TTYH1: variants seen among roughly 807,000 people sequenced by gnomAD.
The protein encoded by TTYH1 is tweety family member 1, also known as protein tweety homolog 1.
Under a neutral mutation model 61.2 loss-of-function variants are expected in TTYH1, and 33 were observed. The ratio of observed to expected loss-of-function variants is 0.54; its 90% CI spans 0.41 to 0.72. The LOEUF (loss-of-function observed/expected upper bound fraction) is 0.72. Ranked by LOEUF, TTYH1 falls within the 30% of genes least tolerant of loss-of-function variation. The pLI, the probability that TTYH1 is intolerant of heterozygous loss-of-function variation, is 0.00. For synonymous variants in TTYH1, 308 were observed against 266.4 expected, an observed-to-expected ratio of 1.16 and a Z score of -1.52; for missense variants, 538 against 575.8, an observed-to-expected ratio of 0.93 and a Z score of 0.67.
In TTYH1 at chr19:54,422,947, A is replaced by T. The variant is rs2083249751; in HGVS notation, c.638+537A>T. Reference sequence around the variant, plus strand: ...CCATCTCAAAAAAAAAAAAAAAAAAAAAAAGATGAGGTTGAGAAACCTACT... The same window carrying T: ...CCATCTCAAAAAAAAAAAAAAAAAATAAAAGATGAGGTTGAGAAACCTACT... On this transcript the variant is annotated intron_variant, in intron 4 of 13. Coordinates refer to ENST00000376530, the MANE Select transcript of TTYH1 (RefSeq NM_020659.4). 3.7e-5 allele frequency among the ~76,000 whole-genome samples: 5 copies of T among 135,412 alleles called. No individual in the cohort carries two copies. In the South Asian group the frequency reaches 1.2e-3, roughly 32 times the overall value. 88.8% of individuals were successfully genotyped at this position (135,412 alleles called of 152,430 possible). A position where few individuals can be genotyped will look rare whatever the true frequency, so the allele number is the denominator to read the frequency against.
In TTYH1 at chr19:54,420,770, G is replaced by A; in HGVS notation, c.306-507G>A. On this transcript the variant is annotated intron_variant, in intron 2 of 13. Transcript: ENST00000376530. This position sits in a 1 kb window ranked among gnomAD's most constrained non-coding sequence, Gnocchi z 4.8. ...GTCCCCCCAGGAGATGGTGGCAGCT[G>A]CCCCCCTTGTACCCTTAGGAACCCC... 5.9e-6 allele frequency: 1 copy of A among 170,704 alleles called. No individual in the cohort carries two copies. The highest frequency in any genetic ancestry group is 1.4e-5 in the Non-Finnish European group (1 of 70,538). 10.6% of individuals were successfully genotyped at this position (170,704 alleles called of 1,614,324 possible).
rs1384293771 is a variant in TTYH1, at chr19:54,422,955, GA to G, written c.638+546del. On this transcript the variant is annotated intron_variant, in intron 4 of 13. Coordinates refer to ENST00000376530, the MANE Select transcript of TTYH1 (RefSeq NM_020659.4). ...AAAAAAAAAAAAAAAAAAAAAAGAT[GA>G]GGTTGAGAAACCTACTGTGGAGGGA... Among the ~76,000 whole-genome samples, 3 of 141,090 alleles carry G rather than the reference GA, an allele frequency of 2.1e-5. No individual in the cohort carries two copies. In the East Asian group the frequency reaches 6.5e-4, roughly 30 times the overall value. The allele number at this position is 141,090 out of a possible 152,430, so 92.6% of individuals were successfully genotyped here.
Position 54,419,220 on chromosome 19 carries a change from G to C in TTYH1, c.219G>C (p.Arg73=), listed in dbSNP as rs1336182442. ...AVYLIRFCCC[R]PPEPPGSKIP... ...ACCTCATCCGCTTCTGCTGCTGCCG[G>C]CCCCCCGAGCCCCCCGGGTCCAAGA... Residue 73 remains arginine, a synonymous_variant, in exon 2 of 14, where the codon CGG becomes CGC. Transcript: ENST00000376530. This position sits in a 1 kb window ranked among gnomAD's most constrained non-coding sequence, Gnocchi z 6.1. 2 of 1,609,930 alleles carry C rather than the reference G, an allele frequency of 1.2e-6. No homozygotes were observed. The highest frequency in any genetic ancestry group is 3.3e-5 in the Admixed American group (2 of 60,004).
rs1012659339 is a variant in TTYH1 at position 54,434,926 on chromosome 19, G to C, written c.1126-616G>C. 1 of 152,272 alleles carries C rather than the reference G, an allele frequency of 6.6e-6. No homozygotes were observed. Among genetic ancestry groups the C allele is most frequent in the Non-Finnish European group, 1.5e-5 (1 of 68,146 alleles). 9.4% of individuals were successfully genotyped at this position (152,272 alleles called of 1,614,324 possible). The stretch of plus-strand genomic sequence containing the variant: ...CAGGAGGGGGTGCTCCTGGCATCTG[G>C]TGGGTGGAGCTGAGTGGGGCTGCTC... On this transcript the variant is annotated intron_variant, in intron 10 of 13. Coordinates refer to ENST00000376530, the MANE Select transcript of TTYH1 (RefSeq NM_020659.4). The surrounding 1 kb of genome is among the most constrained non-coding windows in gnomAD (Gnocchi z 4.3).
chr19:54,425,215 G>A (rs1320908415), intron 4 of TTYH1, among the ~76,000 whole-genome samples: 8 of 152,234 alleles, frequency 5.3e-5, no homozygotes, highest in African/African-American at 1.2e-4. Flanking sequence ...TGCCGGATCC[G>A]GAGGGTGGAA....
Position 54,422,258 on chromosome 19 carries a change from C to G in TTYH1, c.486C>G (p.Leu162=). Residue 162 remains leucine, a synonymous_variant, in exon 4 of 14, where the codon CTC becomes CTG. Transcript: ENST00000376530. Reference sequence around the variant, plus strand: ...AGCTGACCACCCTGGAGGAGGTGCTCGAGCCGCGCACGGAGCTGGTGGCTG... The same window carrying G: ...AGCTGACCACCCTGGAGGAGGTGCTGGAGCCGCGCACGGAGCTGGTGGCTG... The part of the protein sequence containing the change: ...RTELTTLEEV[L]EPRTELVAAA... 6.4e-7 allele frequency: 1 copy of G among 1,565,382 alleles called. No individual in the cohort carries two copies. The highest frequency in any genetic ancestry group is 1.3e-5 in the African/African-American group (1 of 74,458).
Position 54,431,119 on chromosome 19 carries a change from G to A in TTYH1, c.1053G>A (p.Glu351=), listed in dbSNP as rs779884051. The change falls in exon 10 of 14, where the codon GAG becomes GAA. Residue 351 remains glutamate (E), a synonymous_variant. Transcript: ENST00000376530. ...PSAQKPLLSL[E]ETLNVTEGNF... The stretch of plus-strand genomic sequence containing the variant: ...CGCAGAAGCCTCTGCTGTCCTTGGA[G>A]GAGACTCTGAATGTGACAGAAGGAA... The A allele has an allele frequency of 4.3e-6, 7 of 1,613,876 alleles. No homozygotes were observed. The highest frequency in any genetic ancestry group is 5.1e-6 in the Non-Finnish European group (6 of 1,179,780).
chr19:54,416,157 GGATT>G lies in TTYH1; in HGVS notation c.126+482_126+485del, dbSNP rs896083499. 5.3e-5 allele frequency: 55 copies of G among 1,039,042 alleles called. No homozygotes were observed. In the Admixed American group the frequency reaches 1.3e-3, roughly 24 times the overall value. The allele number at this position is 1,039,042 out of a possible 1,614,324, so 64.4% of individuals were successfully genotyped here. A position where few individuals can be genotyped will look rare whatever the true frequency, so the allele number is the denominator to read the frequency against. ...CGCTGGCTGCTGCGGTGCTGGGATG[GGATT>G]GAGAGTCTGAAATGGGGAAGGGGGC... On this transcript the variant is annotated intron_variant, in intron 1 of 13. Coordinates refer to ENST00000376530, the MANE Select transcript of TTYH1 (RefSeq NM_020659.4). This position sits in a 1 kb window ranked among gnomAD's most constrained non-coding sequence, Gnocchi z 7.0.
Position 54,436,187 on chromosome 19 carries a change from C to T in TTYH1, c.*42+16C>T. On this transcript the variant is annotated intron_variant, in intron 13 of 13. Transcript: ENST00000376530. This position sits in a 1 kb window ranked among gnomAD's most constrained non-coding sequence, Gnocchi z 4.3. ...CCCCTCTTCGGTGAGCTTCCAAGGGCCACCCCAGCTCCTGCAGCCGGGCCT... is the reference window on the plus strand; with the variant it reads ...CCCCTCTTCGGTGAGCTTCCAAGGGTCACCCCAGCTCCTGCAGCCGGGCCT... The T allele has an allele frequency of 6.2e-7, 1 of 1,612,958 alleles. No individual in the cohort carries two copies. The highest frequency in any genetic ancestry group is 8.5e-7 in the Non-Finnish European group (1 of 1,179,118).
At chr19:54,428,685 A>G (rs6509872) in intron 5 of TTYH1, among the ~76,000 whole-genome samples, 106,103 of 152,002 alleles carry the variant, frequency 0.7, 37,303 homozygotes, top group African/African-American at 0.78. Flanking sequence ...GGGGTGAGGC[A>G]GAGTTGAACC....
At position 54,431,185 on chromosome 19, in the gene TTYH1, G is replaced by A. The variant is rs1429632478; in HGVS notation, c.1119G>A (p.Leu373=). 4 of 1,612,626 alleles carry A rather than the reference G, an allele frequency of 2.5e-6. No individual in the cohort carries two copies. The highest frequency in any genetic ancestry group is 3.4e-6 in the Non-Finnish European group (4 of 1,178,732). The part of the protein sequence containing the change: ...QLVALLHCRS[L]HKDYGAALRG... Reference sequence around the variant, plus strand: ...TGGCACTGCTACACTGCCGCAGCCTGCACAAGGTGAAGCCCCTCCCCTCCC... The same window carrying A: ...TGGCACTGCTACACTGCCGCAGCCTACACAAGGTGAAGCCCCTCCCCTCCC... The change falls in exon 10 of 14, where the codon CTG becomes CTA. Residue 373 remains leucine, a synonymous_variant. Coordinates refer to ENST00000376530, the MANE Select transcript of TTYH1 (RefSeq NM_020659.4).
intron 4 of TTYH1, among the ~76,000 whole-genome samples, chr19:54,424,400 C>T (rs528510741): frequency 6.6e-6 from 1 of 152,348 alleles, no homozygotes; most frequent in South Asian, 2.1e-4. Context: ...GGGGCATGCG[C>T]TGAGATTTGG....
chr19:54,430,185 C>T (rs765506953), intron 7 of TTYH1, among the ~76,000 whole-genome samples: 2 of 152,118 alleles, frequency 1.3e-5, no homozygotes, highest in African/African-American at 2.4e-5. Flanking sequence ...CAGCTGGCAG[C>T]GCCTCTCCTG....
chr19:54,422,283 G>GCCGC lies in TTYH1; in HGVS notation c.515_518dup (p.Gly174ProfsTer32), dbSNP rs2083234297. On this transcript the variant is annotated frameshift_variant, in exon 4 of 14. Transcript: ENST00000376530. LOFTEE classifies it high-confidence loss of function. The stretch of plus-strand genomic sequence containing the variant: ...CGAGCCGCGCACGGAGCTGGTGGCT[G>GCCGC]CCGCCCGAGGGGCTCGACGGCAGGC... 1.3e-6 allele frequency: 2 copies of GCCGC among 1,566,890 alleles called. No individual in the cohort carries two copies.
chr19:54,425,576 C>T (rs947682240), intron 4 of TTYH1, among the ~76,000 whole-genome samples: 2 of 152,134 alleles, frequency 1.3e-5, no homozygotes, highest in Non-Finnish European at 2.9e-5. Context: ...AAGGTGGATG[C>T]GGTCACCTTC....
intron 5 of TTYH1, among the ~76,000 whole-genome samples, chr19:54,426,996 T>C (rs1209062544): frequency 6.6e-6 from 1 of 152,030 alleles, no homozygotes; most frequent in Non-Finnish European, 1.5e-5. Context: ...ATCATTGTGT[T>C]GGCAATAAAG....
At chr19:54,431,014 G>A (rs111737429) in intron 9 of TTYH1, 85 bp from the exon 10 acceptor site, 24 of 1,420,576 alleles carry the variant, frequency 1.7e-5, no homozygotes, top group Non-Finnish European at 2.1e-5. Flanking sequence ...GGGGCCTTGG[G>A]TTGTGGGCGG....
chr19:54,428,077 A>T (rs2083364754), intron 5 of TTYH1, among the ~76,000 whole-genome samples: 2 of 129,876 alleles, frequency 1.5e-5, no homozygotes, highest in African/African-American at 3.0e-5. Context: ...ACTCCCGGCT[A>T]AGTTTTTTTT....
chr19:54,421,207 G>C lies in TTYH1; in HGVS notation c.306-70G>C, dbSNP rs1466443721. On this transcript the variant is annotated intron_variant, in intron 2 of 13. Transcript: ENST00000376530. The surrounding 1 kb of genome is among the most constrained non-coding windows in gnomAD (Gnocchi z 4.8). Reference sequence around the variant, plus strand: ...TAAGAAGGCGAGGTGGAGGGGATGGGGTGGGAGGGGACGGTGGCCCCCGGG... The same window carrying C: ...TAAGAAGGCGAGGTGGAGGGGATGGCGTGGGAGGGGACGGTGGCCCCCGGG... 3.1e-6 allele frequency: 3 copies of C among 971,026 alleles called. No individual in the cohort carries two copies. Among genetic ancestry groups the C allele is most frequent in the Non-Finnish European group, 4.9e-6 (3 of 606,158 alleles). The allele number at this position is 971,026 out of a possible 1,614,324, so 60.2% of individuals were successfully genotyped here.
Sources: allele counts gnomAD v4.1 joint callset (sites outside exome capture counted in the v4.1 genomes callset), GRCh38; gene constraint gnomAD v4.1.1; non-coding constraint Gnocchi (gnomAD v3.1); transcripts MANE v1.5; gene names NCBI Gene and HGNC (gene_info 2026-07-23, HGNC 2026-07-21).